Variants in CEACAM1 observed in about 807,000 individuals in gnomAD.
The protein encoded by CEACAM1 is cell adhesion molecule CEACAM1.
Under a neutral mutation model 49.1 loss-of-function variants are expected in CEACAM1, and 31 were observed. The observed-to-expected ratio is 0.63, with a 90% CI of 0.47 to 0.85. The LOEUF is 0.85. Ranked by LOEUF, CEACAM1 falls within the 40% of genes least tolerant of loss-of-function variation. The probability of loss-of-function intolerance (pLI) is 0.00; values close to 1 mark genes in which losing one functional copy is unlikely to be tolerated. For missense variants in CEACAM1, 570 were observed against 645.3 expected, an observed-to-expected ratio of 0.88 and a Z score of 1.26; for synonymous variants, 244 against 247.8, an observed-to-expected ratio of 0.98 and a Z score of 0.14.
chr19:42,526,667 C>G (rs41363350), intron 2 of CEACAM1, among the ~76,000 whole-genome samples: 4,498 of 152,174 alleles, frequency 0.03, 232 homozygotes, highest in African/African-American at 0.1. Flanking sequence ...CAGGGGATTC[C>G]CAGGGCTGAG....
chr19:42,517,478 A>C (rs545333560), intron 5 of CEACAM1, among the ~76,000 whole-genome samples: 1 of 152,366 alleles, frequency 6.6e-6, no homozygotes, highest in African/African-American at 2.4e-5. Context: ...CAACTCAACC[A>C]AAAATCCCCA....
chr19:42,515,460 G>C (rs2041577610), intron 5 of CEACAM1, among the ~76,000 whole-genome samples: 1 of 152,134 alleles, frequency 6.6e-6, no homozygotes, highest in Admixed American at 6.5e-5. Flanking sequence ...TATCACTTGA[G>C]CTCAGGAATT....
intron 3 of CEACAM1, 126 bp downstream of exon 3, chr19:42,521,798 G>A: frequency 2.6e-6 from 4 of 1,564,142 alleles, no homozygotes; most frequent in Non-Finnish European, 3.5e-6. Flanking sequence ...AGGAAGTCAT[G>A]GCCAGCCTGG....
At chr19:42,521,830 C>T (rs930822512) in intron 3 of CEACAM1, 94 bp downstream of exon 3, 42 of 1,599,720 alleles carry the variant, frequency 2.6e-5, no homozygotes, top group East Asian at 4.5e-5. Context: ...TAAGGGTCTG[C>T]GTCCTTAGAC....
rs2041361873 is a variant in CEACAM1, at chr19:42,507,365, A to G, written c.*1744T>C. On this transcript the variant is annotated 3_prime_UTR_variant, in exon 9 of 9. Coordinates refer to ENST00000161559, the MANE Select transcript of CEACAM1 (RefSeq NM_001712.5). The stretch of plus-strand genomic sequence containing the variant: ...ATAGAATAATTTTCATACATAATTC[A>G]GACATGATCTTAGCCAGGAAAAATT... 6.6e-6 allele frequency: 1 copy of G among 152,226 alleles called. No individual in the cohort carries two copies. The highest frequency in any genetic ancestry group is 2.4e-5 in the African/African-American group (1 of 41,454). The allele number at this position is 152,226 out of a possible 1,614,324, so 9.4% of individuals were successfully genotyped here.
chr19:42,518,855 G>T, intron 5 of CEACAM1, 93 bp downstream of exon 5: 1 of 1,387,310 alleles, frequency 7.2e-7, no homozygotes, highest in Non-Finnish European at 1.0e-6. Flanking sequence ...TCTCTTCATT[G>T]ATATTCTGCC....
At chr19:42,515,168 T>G (rs549329449) in intron 5 of CEACAM1, 2 of 544,088 alleles carry the variant, frequency 3.7e-6, no homozygotes, top group South Asian at 4.8e-5. Flanking sequence ...GAGGCTAAGG[T>G]GAGGGAATTG....
Position 42,508,942 on chromosome 19 carries a change from G to A in CEACAM1, c.*167C>T. The A allele has an allele frequency of 1.5e-6, 1 of 655,158 alleles. No homozygotes were observed. The highest frequency in any genetic ancestry group is 4.4e-4 in the Middle Eastern group (1 of 2,274). 40.6% of individuals were successfully genotyped at this position (655,158 alleles called of 1,614,324 possible). ...ATGTACTTTCATCTATTGACACTGA[G>A]AGAGGGGCAGTGACCAGGCAGCCTG... On this transcript the variant is annotated 3_prime_UTR_variant, in exon 9 of 9. Transcript: ENST00000161559.
At chr19:42,520,213 C>T (rs1235418902) in intron 4 of CEACAM1, among the ~76,000 whole-genome samples, 4 of 152,200 alleles carry the variant, frequency 2.6e-5, no homozygotes, top group African/African-American at 9.6e-5. Context: ...CTGAATCTCC[C>T]GATTTCTCCA....
rs1006223404 is a variant in CEACAM1 at position 42,510,125 on chromosome 19, G to A, written c.1461+764C>T. 5.3e-5 allele frequency among the ~76,000 whole-genome samples: 8 copies of A among 151,924 alleles called. No homozygotes were observed. In the East Asian group the frequency reaches 5.8e-4, roughly 11 times the overall value. ...TTTTGAGACAGAGTTTCCCTCTGTCGCCCAGGCTGGAGCGCAATGGCGCAA... is the reference window on the plus strand; with the variant it reads ...TTTTGAGACAGAGTTTCCCTCTGTCACCCAGGCTGGAGCGCAATGGCGCAA... On this transcript the variant is annotated intron_variant, in intron 8 of 8. Coordinates refer to ENST00000161559, the MANE Select transcript of CEACAM1 (RefSeq NM_001712.5).
At chr19:42,511,424 G>A in intron 7 of CEACAM1, 152 bp downstream of exon 7, 1 of 681,348 alleles carries the variant, frequency 1.5e-6, no homozygotes, top group East Asian at 2.6e-5. Flanking sequence ...GGAAGGGTGG[G>A]AAGACCTATG....
chr19:42,516,172 T>C (rs182483576), intron 5 of CEACAM1, among the ~76,000 whole-genome samples: 22 of 152,040 alleles, frequency 1.4e-4, no homozygotes, highest in African/African-American at 5.3e-4. Flanking sequence ...TTGGAAGACC[T>C]AGACAGAACA....
In CEACAM1 at chr19:42,521,985, C is replaced by G; in HGVS notation, c.642G>C (p.Glu214Asp). 1 of 1,614,240 alleles carries G rather than the reference C, an allele frequency of 6.2e-7. No individual in the cohort carries two copies. Among genetic ancestry groups the G allele is most frequent in the Non-Finnish European group, 8.5e-7 (1 of 1,180,040 alleles). The change falls in exon 3 of 9, where the codon GAG becomes GAC. Residue 214 changes from glutamate (E) to aspartate (D), a missense_variant. Physicochemically the swap from Glu to Asp is conservative, Grantham distance 45. Transcript: ENST00000161559. ...SVTRNDTGPY[E>D]CEIQNPVSAN... ...CACTCACTGGGTTCTGTATTTCACA[C>G]TCATAGGGTCCTGTGTCATTCCTTG...
intron 7 of CEACAM1, 58 bp downstream of exon 7, chr19:42,511,517 CA>C: frequency 7.1e-7 from 1 of 1,402,228 alleles, no homozygotes; most frequent in Non-Finnish European, 1.0e-6. Flanking sequence ...GATTCCCTGC[CA>C]GGGGAGGGCA....
Position 42,519,000 on chromosome 19 carries a change from GACCTC to G in CEACAM1, c.1189_1193del (p.Glu397LeufsTer6). ...TTTGGTTCTTACTGATTGGGTTGAA[GACCTC>G]ACACCAATACGTCCCAGCATCCTCC... On this transcript the variant is annotated frameshift_variant, in exon 5 of 9. Coordinates refer to ENST00000161559, the MANE Select transcript of CEACAM1 (RefSeq NM_001712.5). LOFTEE classifies it high-confidence loss of function. The G allele has an allele frequency of 6.3e-7, 1 of 1,587,604 alleles. No homozygotes were observed. The highest frequency in any genetic ancestry group is 8.6e-7 in the Non-Finnish European group (1 of 1,162,046).
Position 42,521,970 on chromosome 19 carries a change from G to C in CEACAM1, c.657C>G (p.Asn219Lys), listed in dbSNP as rs374133911. The change falls in exon 3 of 9, where the codon AAC (asparagine) becomes AAG (lysine). Residue 219 changes from asparagine to lysine, a missense_variant. Physicochemically the swap from Asn to Lys is moderately conservative, Grantham distance 94. Transcript: ENST00000161559. Reference sequence around the variant, plus strand: ...GGTCACTGCGGTTCGCACTCACTGGGTTCTGTATTTCACACTCATAGGGTC... The same window carrying C: ...GGTCACTGCGGTTCGCACTCACTGGCTTCTGTATTTCACACTCATAGGGTC... ...DTGPYECEIQNPVSANRSDPV... is the reference protein window; with the variant it reads ...DTGPYECEIQKPVSANRSDPV... 1.2e-6 allele frequency: 2 copies of C among 1,614,234 alleles called. No homozygotes were observed. Among genetic ancestry groups the C allele is most frequent in the Non-Finnish European group, 1.7e-6 (2 of 1,180,046 alleles).
Position 42,527,191 on chromosome 19 carries a change from C to T in CEACAM1, c.274G>A (p.Gly92Arg), listed in dbSNP as rs775481585. 6.2e-7 allele frequency: 1 copy of T among 1,614,114 alleles called. No homozygotes were observed. Among genetic ancestry groups the T allele is most frequent in the South Asian group, 1.1e-5 (1 of 91,082 alleles). Residue 92 changes from glycine (G) to arginine (R), a missense_variant, in exon 2 of 9, where the codon GGG becomes AGG. Gly to Arg is a moderately radical substitution (Grantham distance 125). Coordinates refer to ENST00000161559, the MANE Select transcript of CEACAM1 (RefSeq NM_001712.5). ...YAIGTQQATP[G>R]PANSGRETIY... ...GTCTCTCGACCGCTGTTTGCGGGCC[C>T]TGGGGTAGCTTGTTGAGTTCCTATT...
chr19:42,526,930 A>G (rs112464894), intron 2 of CEACAM1, 111 bp downstream of exon 2: 2 of 1,514,116 alleles, frequency 1.3e-6, no homozygotes, highest in Non-Finnish European at 1.8e-6. Context: ...TCAAACCTTA[A>G]CATGGGGTAT....
intron 8 of CEACAM1, among the ~76,000 whole-genome samples, chr19:42,509,632 G>GT (rs775431561): frequency 2.3e-3 from 335 of 144,982 alleles, no homozygotes; most frequent in Middle Eastern, 0.011. Flanking sequence ...GACTGGTAGA[G>GT]TTTTTTTTTT....
Sources: gnomAD v4.1 joint callset for allele counts (sites outside exome capture counted in the v4.1 genomes callset) on GRCh38, gnomAD v4.1.1 for gene constraint, MANE v1.5 for transcripts, NCBI Gene and HGNC (gene_info 2026-07-23, HGNC 2026-07-21) for gene names.